LNX2: variants seen among roughly 807,000 people sequenced by gnomAD.
LNX2 encodes the protein ligand of numb-protein X 2, also known as ligand of Numb protein X 2.
In LNX2, 35 loss-of-function variants were observed where a neutral mutation model predicts 66.2. The observed-to-expected ratio is 0.53, with a 90% CI of 0.40 to 0.70. The LOEUF is 0.70. Ranked by LOEUF, LNX2 falls within the 30% of genes least tolerant of loss-of-function variation. LNX2 has a pLI of 0.00. For missense variants in LNX2, 791 were observed against 850.8 expected, an observed-to-expected ratio of 0.93 and a Z score of 0.87; for synonymous variants, 337 against 315.6, an observed-to-expected ratio of 1.07 and a Z score of -0.72.
At chr13:27,610,821 C>T (rs1471817324) in intron 1 of LNX2, among the ~76,000 whole-genome samples, 5 of 152,082 alleles carry the variant, frequency 3.3e-5, no homozygotes, top group Non-Finnish European at 7.4e-5. Context: ...AGACATTTCT[C>T]CAAAAATGAT....
At position 27,562,481 on chromosome 13, in the gene LNX2, G is replaced by A. The variant is rs1474566166; in HGVS notation, c.1156C>T (p.Arg386Ter). The change falls in exon 5 of 10, where the codon CGA becomes TGA. Residue 386 changes from arginine to a stop codon, truncating the protein, a stop_gained. Transcript: ENST00000316334. LOFTEE classifies it high-confidence loss of function. ...AQDGRLSSND[R>*]VLAINGHDLK... ...TCGTGCCCATTGATGGCCAGCACTC[G>A]GTCATTGCTGCTTAGCCTGCCGTCC... The A allele has an allele frequency of 2.5e-6, 4 of 1,614,094 alleles. No homozygotes were observed. The highest frequency in any genetic ancestry group is 1.7e-5 in the Admixed American group (1 of 60,016).
intron 1 of LNX2, among the ~76,000 whole-genome samples, chr13:27,610,614 A>C (rs1955762234): frequency 6.6e-6 from 1 of 152,232 alleles, no homozygotes; most frequent in Admixed American, 6.5e-5. Flanking sequence ...TGGATATGAC[A>C]CTAAAAGCAC....
chr13:27,581,103 T>A (rs1177945164), intron 2 of LNX2, among the ~76,000 whole-genome samples, 194 bp downstream of exon 2: 1 of 152,160 alleles, frequency 6.6e-6, no homozygotes, highest in African/African-American at 2.4e-5. Flanking sequence ...CTCACTGTAG[T>A]TTTTGTATTC....
intron 1 of LNX2, among the ~76,000 whole-genome samples, chr13:27,594,816 A>T (rs989024009): frequency 2.6e-5 from 4 of 151,544 alleles, no homozygotes; most frequent in African/African-American, 9.7e-5. Flanking sequence ...CCTCGATTCC[A>T]CCTCCAGAAT....
Position 27,562,665 on chromosome 13 carries a change from T to A in LNX2, c.972A>T (p.Ala324=). Residue 324 remains alanine (A), a synonymous_variant, in exon 5 of 10, where the codon GCA becomes GCT. Transcript: ENST00000316334. ...VLRERRFGNR[A]HNHSDSNSPR... ...GAGAGTTACTATCAGAATGGTTGTGTGCTCGGTTGCCAAAGCGCCTCTCTC... is the reference window on the plus strand; with the variant it reads ...GAGAGTTACTATCAGAATGGTTGTGAGCTCGGTTGCCAAAGCGCCTCTCTC... 1 of 1,614,184 alleles carries A rather than the reference T, an allele frequency of 6.2e-7. No individual in the cohort carries two copies. Among genetic ancestry groups the A allele is most frequent in the Non-Finnish European group, 8.5e-7 (1 of 1,180,026 alleles).
intron 4 of LNX2, among the ~76,000 whole-genome samples, chr13:27,563,105 TCTC>T (rs1159847503): frequency 6.6e-6 from 1 of 152,128 alleles, no homozygotes. Flanking sequence ...TCTGAATGAG[TCTC>T]CTCATCTGTA....
At chr13:27,556,450 TA>T (rs1420956561) in intron 6 of LNX2, 37 bp from the exon 7 acceptor site, 3 of 1,553,390 alleles carry the variant, frequency 1.9e-6, no homozygotes, top group Non-Finnish European at 2.7e-6. Flanking sequence ...GGATAATGAA[TA>T]AAATATAGTT....
At chr13:27,616,950 T>C (rs1955834572) in intron 1 of LNX2, among the ~76,000 whole-genome samples, 1 of 152,094 alleles carries the variant, frequency 6.6e-6, no homozygotes, top group Non-Finnish European at 1.5e-5. Context: ...AGGGTTTCAC[T>C]GTGTTGGCCA....
chr13:27,566,995 A>C (rs1157555515), intron 4 of LNX2, among the ~76,000 whole-genome samples: 1 of 152,096 alleles, frequency 6.6e-6, no homozygotes, highest in African/African-American at 2.4e-5. Context: ...GTCCCATGCT[A>C]GTTATTTCTG....
At chr13:27,568,414 G>A (rs974091517) in intron 3 of LNX2, among the ~76,000 whole-genome samples, 3 of 152,126 alleles carry the variant, frequency 2.0e-5, no homozygotes, top group Admixed American at 6.5e-5. Flanking sequence ...CCATGACTAC[G>A]GGCCTTCTGT....
At chr13:27,576,039 C>T (rs923943881) in intron 2 of LNX2, among the ~76,000 whole-genome samples, 3 of 152,080 alleles carry the variant, frequency 2.0e-5, no homozygotes, top group African/African-American at 7.2e-5. Context: ...CAGTGACTGG[C>T]AGAATGGGCT....
intron 1 of LNX2, among the ~76,000 whole-genome samples, chr13:27,611,552 A>G (rs1392593078): frequency 2.6e-5 from 4 of 152,354 alleles, no homozygotes; most frequent in African/African-American, 7.2e-5. Context: ...AAACGTGTAC[A>G]CTTAAAAATG....
chr13:27,550,724 T>C (rs1022349798), intron 8 of LNX2, among the ~76,000 whole-genome samples: 20 of 150,680 alleles, frequency 1.3e-4, no homozygotes, highest in African/African-American at 2.4e-4. Context: ...CACACACACA[T>C]ACACACACAC....
At chr13:27,581,020 C>G (rs940071386) in intron 2 of LNX2, among the ~76,000 whole-genome samples, 1 of 152,140 alleles carries the variant, frequency 6.6e-6, no homozygotes, top group African/African-American at 2.4e-5. Context: ...ATCATAATAT[C>G]CTGTCATCTA....
In LNX2 at chr13:27,559,953, A is replaced by G. The variant is rs776853288; in HGVS notation, c.1257T>C (p.Ala419=). The G allele has an allele frequency of 6.8e-6, 11 of 1,609,302 alleles. No homozygotes were observed. Among genetic ancestry groups the G allele is most frequent in the Non-Finnish European group, 6.8e-6 (8 of 1,177,598 alleles). ...TACCAGGCTGGGGTTTCCCTGGTCT[A>G]GCAATTGTTAAATTCACTCTCTCTC... ...ASGERVNLTI[A]RPGKPQPGNT... is the part of the protein sequence containing the mutation. Residue 419 remains alanine (A), a synonymous_variant, in exon 6 of 10, where the codon GCT becomes GCC. Transcript: ENST00000316334.
intron 1 of LNX2, among the ~76,000 whole-genome samples, chr13:27,615,491 C>G (rs1955816739): frequency 6.6e-6 from 1 of 152,048 alleles, no homozygotes; most frequent in Non-Finnish European, 1.5e-5. Context: ...AAATCATTGG[C>G]CATTGGTGAT....
chr13:27,573,817 G>A (rs1955313447), intron 2 of LNX2, among the ~76,000 whole-genome samples: 1 of 151,996 alleles, frequency 6.6e-6, no homozygotes. Flanking sequence ...TCCTCAGGAA[G>A]GAGAAGAATC....
At position 27,548,301 on chromosome 13, in the gene LNX2, G is replaced by A; in HGVS notation, c.*34C>T. The A allele has an allele frequency of 6.3e-7, 1 of 1,590,366 alleles. No homozygotes were observed. Among genetic ancestry groups the A allele is most frequent in the Non-Finnish European group, 8.6e-7 (1 of 1,167,812 alleles). On this transcript the variant is annotated 3_prime_UTR_variant, in exon 10 of 10. Transcript: ENST00000316334. ...GGTTTTCTTTCAAAAATCTAAAAAA[G>A]GAAGATGCAAGATTTGAAACCAATT...
At chr13:27,600,198 A>T (rs1460729237) in intron 1 of LNX2, among the ~76,000 whole-genome samples, 1 of 152,186 alleles carries the variant, frequency 6.6e-6, no homozygotes, top group African/African-American at 2.4e-5. Flanking sequence ...ATGACACAAA[A>T]TGATCGAGAA....
Sources: allele counts gnomAD v4.1 joint callset (sites outside exome capture counted in the v4.1 genomes callset), GRCh38; gene constraint gnomAD v4.1.1; transcripts MANE v1.5; gene names NCBI Gene and HGNC (gene_info 2026-07-23, HGNC 2026-07-21).